Variants in NRG1 observed in about 807,000 individuals in gnomAD.
NRG1 encodes pro-neuregulin-1, membrane-bound isoform.
NRG1 carries 18 observed loss-of-function variants against 63.8 expected under a neutral mutation model. That is an observed-to-expected ratio of 0.28 (90% CI 0.19 to 0.42). The LOEUF (loss-of-function observed/expected upper bound fraction) is 0.42, where lower values mean the gene tolerates loss of function less well. Ranked by LOEUF, NRG1 falls within the 10% of genes least tolerant of loss-of-function variation. The pLI, the probability that NRG1 is intolerant of heterozygous loss-of-function variation, is 1.00. For missense variants in NRG1, 762 were observed against 814.7 expected (o/e 0.94, Z 0.79); for synonymous variants, 302 against 301.3 (o/e 1.00, Z -0.02).
intron 1 of NRG1, among the ~76,000 whole-genome samples, chr8:32,354,590 G>A (rs1806098181): frequency 6.6e-6 from 1 of 151,580 alleles, no homozygotes; most frequent in Non-Finnish European, 1.5e-5. Context: ...CTCATCATAT[G>A]GTATACTGTA....
chr8:32,224,264 TG>T (rs962332268), intron 1 of NRG1, among the ~76,000 whole-genome samples: 4 of 152,008 alleles, frequency 2.6e-5, no homozygotes, highest in African/African-American at 9.7e-5. Flanking sequence ...CAAGCTCAGG[TG>T]GGGTTTGGTC....
intron 6 of NRG1, chr8:32,728,627 A>G (rs1404957324): frequency 1.0e-6 from 1 of 985,076 alleles, no homozygotes; most frequent in East Asian, 1.1e-4. Flanking sequence ...AAAAAAAGAG[A>G]AAAAAGTAAA....
chr8:31,915,487 T>C (rs543940749), intron 1 of NRG1, among the ~76,000 whole-genome samples: 2 of 152,274 alleles, frequency 1.3e-5, no homozygotes, highest in African/African-American at 4.8e-5. Flanking sequence ...TGACTGACCA[T>C]TTTATTTCTC....
chr8:31,743,728 A>C (rs1420623268), intron 1 of NRG1, among the ~76,000 whole-genome samples: 1 of 151,926 alleles, frequency 6.6e-6, no homozygotes, highest in Non-Finnish European at 1.5e-5. Context: ...TCTTGCTTTA[A>C]AGCTCCAGCA....
chr8:32,078,243 CA>C (rs1826911394), intron 1 of NRG1, among the ~76,000 whole-genome samples: 1 of 152,148 alleles, frequency 6.6e-6, no homozygotes, highest in Non-Finnish European at 1.5e-5. Context: ...TTAGTTCATG[CA>C]AGAATTGATG....
upstream of NRG1, among the ~76,000 whole-genome samples, chr8:32,546,144 T>A (rs1394554254): frequency 6.6e-6 from 1 of 152,158 alleles, no homozygotes; most frequent in Admixed American, 6.5e-5. Context: ...CCTCTTCAGG[T>A]TCATTCAAAT....
At chr8:31,734,855 C>A (rs1442810864) in intron 1 of NRG1, among the ~76,000 whole-genome samples, 1 of 152,094 alleles carries the variant, frequency 6.6e-6, no homozygotes, top group Non-Finnish European at 1.5e-5. Flanking sequence ...GTCTCCCTAG[C>A]CTCTTAGGTT....
chr8:31,770,139 G>T (rs951555288), intron 1 of NRG1, among the ~76,000 whole-genome samples: 1 of 152,108 alleles, frequency 6.6e-6, no homozygotes, highest in Non-Finnish European at 1.5e-5. Context: ...GTAGGTTGGG[G>T]TTATTGTGAA....
At chr8:32,667,561 T>C (rs1166564412) in intron 5 of NRG1, among the ~76,000 whole-genome samples, 1 of 152,196 alleles carries the variant, frequency 6.6e-6, no homozygotes, top group Non-Finnish European at 1.5e-5. Context: ...AACATACTTT[T>C]CTTATTATAT....
chr8:31,789,845 C>A (rs982974568), intron 1 of NRG1, among the ~76,000 whole-genome samples: 1 of 152,112 alleles, frequency 6.6e-6, no homozygotes, highest in African/African-American at 2.4e-5. Context: ...CCTCTGGTTT[C>A]TTTATTAGCA....
At chr8:32,053,310 C>G (rs562509261) in intron 1 of NRG1, among the ~76,000 whole-genome samples, 2 of 152,030 alleles carry the variant, frequency 1.3e-5, no homozygotes, top group Non-Finnish European at 1.5e-5. Context: ...GGCCGATACA[C>G]GCTTCACAAG....
intron 1 of NRG1, among the ~76,000 whole-genome samples, chr8:32,227,503 A>G (rs1202514508): frequency 1.3e-5 from 2 of 152,226 alleles, no homozygotes; most frequent in Non-Finnish European, 2.9e-5. Context: ...ACTGCACAGG[A>G]AAGTTAGAGG....
At chr8:31,916,212 T>C (rs983341458) in intron 1 of NRG1, among the ~76,000 whole-genome samples, 63 of 151,536 alleles carry the variant, frequency 4.2e-4, no homozygotes, top group Non-Finnish European at 4.0e-4. Flanking sequence ...TTTCATTTTC[T>C]TTTTTTTTAT....
At position 31,756,269 on chromosome 8, in the gene NRG1, C is replaced by G. The variant is rs150235560; in HGVS notation, c.37+116838C>G. On this transcript the variant is annotated intron_variant, in intron 1 of 10. Transcript: ENST00000519301. ...AAAAAATTATCTCTGATAACACACTCATAACATCCTATCTGTTATTTACCC... is the reference window on the plus strand; with the variant it reads ...AAAAAATTATCTCTGATAACACACTGATAACATCCTATCTGTTATTTACCC... 2.2e-3 allele frequency among the ~76,000 whole-genome samples: 340 copies of G among 152,218 alleles called. 1 individual carries two copies. The highest frequency in any genetic ancestry group is 6.3e-3 in the African/African-American group (263 of 41,534).
intron 1 of NRG1, among the ~76,000 whole-genome samples, chr8:32,309,270 A>G (rs763926887): frequency 1.3e-5 from 2 of 152,124 alleles, no homozygotes; most frequent in Admixed American, 6.5e-5. Flanking sequence ...TGGACCTGAT[A>G]TATACACTTA....
chr8:31,731,248 TATGTC>T (rs1374539880), intron 1 of NRG1, among the ~76,000 whole-genome samples: 2 of 152,144 alleles, frequency 1.3e-5, no homozygotes, highest in African/African-American at 2.4e-5. Flanking sequence ...ATATTATTCT[TATGTC>T]AAGTGTGGAA....
chr8:32,628,733 CTTT>C (rs66843732), intron 5 of NRG1, among the ~76,000 whole-genome samples: 8 of 138,104 alleles, frequency 5.8e-5, no homozygotes, highest in Admixed American at 7.3e-5. Context: ...ACTTTCTGCC[CTTT>C]TTTTTTTTTT....
chr8:31,925,381 T>G (rs2129619454), intron 1 of NRG1, among the ~76,000 whole-genome samples: 1 of 152,094 alleles, frequency 6.6e-6, no homozygotes, highest in South Asian at 2.1e-4. Context: ...AATTTGTTAT[T>G]AATATATCAA....
intron 1 of NRG1, among the ~76,000 whole-genome samples, chr8:32,330,088 A>C (rs1490602472): frequency 1.6e-5 from 2 of 124,868 alleles, no homozygotes; most frequent in South Asian, 2.9e-4. Context: ...AAAAGTGTGT[A>C]GGGAAGGGGT....
Sources: allele counts gnomAD v4.1 joint callset (sites outside exome capture counted in the v4.1 genomes callset), GRCh38; gene constraint gnomAD v4.1.1; transcripts MANE v1.5; gene names NCBI Gene and HGNC (gene_info 2026-07-23, HGNC 2026-07-21).